The following NMT1 variants were observed in gnomAD, a reference collection of about 807,000 sequenced individuals.
The protein encoded by NMT1 is N-myristoyltransferase 1, also known as glycylpeptide N-tetradecanoyltransferase 1.
In NMT1, 12 loss-of-function variants were observed where a neutral mutation model predicts 63.4. That is an observed-to-expected ratio of 0.19 (90% confidence interval 0.12 to 0.31). NMT1 has a LOEUF of 0.31. NMT1 is among the 10% of genes least tolerant of loss of function. The pLI, the probability that NMT1 is intolerant of heterozygous loss-of-function variation, is 1.00. For missense variants in NMT1, 432 were observed against 634.6 expected (o/e 0.68, Z 3.43); for synonymous variants, 228 against 234.3 (o/e 0.97, Z 0.25).
At chr17:45,101,004 AC>A (rs2054159974) in intron 8 of NMT1, among the ~76,000 whole-genome samples, 1 of 147,600 alleles carries the variant, frequency 6.8e-6, no homozygotes, top group South Asian at 2.2e-4. Flanking sequence ...ACATGGTGAA[AC>A]CCCGTCTCTA....
At chr17:45,097,843 T>A (rs955280248) in intron 6 of NMT1, among the ~76,000 whole-genome samples, 1 of 152,156 alleles carries the variant, frequency 6.6e-6, no homozygotes, top group Non-Finnish European at 1.5e-5. Context: ...CCTGTACCAG[T>A]CACACATGGA....
At chr17:45,075,975 C>T (rs2053974878) in intron 1 of NMT1, among the ~76,000 whole-genome samples, 1 of 152,106 alleles carries the variant, frequency 6.6e-6, no homozygotes, top group Non-Finnish European at 1.5e-5. Context: ...GAGGCTGAGG[C>T]AGAAGAATCA....
At position 45,093,673 on chromosome 17, in the gene NMT1, C is replaced by G. The variant is rs139628436; in HGVS notation, c.386-12C>G. 9.2e-5 allele frequency: 148 copies of G among 1,611,538 alleles called. No homozygotes were observed. The African/African-American group carries it at 1.8e-3, about 20-fold the overall frequency. ...GCAAAGGGTGAGGCTCACAGCTGTG[C>G]TCTTCTTTCAGGCGAAGTGGTGAAC... On this transcript the variant is annotated splice_polypyrimidine_tract_variant and intron_variant, in intron 3 of 11. Transcript: ENST00000258960.
At chr17:45,071,746 G>A (rs903938963) in intron 1 of NMT1, among the ~76,000 whole-genome samples, 1 of 152,110 alleles carries the variant, frequency 6.6e-6, no homozygotes, top group Non-Finnish European at 1.5e-5. Flanking sequence ...TAGAGATGGG[G>A]TCTCACTTTG....
At chr17:45,061,759 G>A (rs1437814692) in intron 1 of NMT1, 1 of 317,046 alleles carries the variant, frequency 3.2e-6, no homozygotes, top group Non-Finnish European at 6.0e-6. Flanking sequence ...GTTTTCGATG[G>A]TACAACACAG....
intron 4 of NMT1, among the ~76,000 whole-genome samples, chr17:45,094,240 A>G (rs949657956): frequency 6.6e-6 from 1 of 151,854 alleles, no homozygotes; most frequent in African/African-American, 2.4e-5. Context: ...CACACCTGTA[A>G]TCCCACCGTT....
intron 8 of NMT1, 25 bp from the exon 9 acceptor site, chr17:45,102,926 T>G: frequency 6.3e-7 from 1 of 1,594,542 alleles, no homozygotes; most frequent in Non-Finnish European, 8.6e-7. Context: ...CTCATCTCAC[T>G]CCATCTCTTC....
At chr17:45,066,045 G>A (rs948325627) in intron 1 of NMT1, among the ~76,000 whole-genome samples, 4 of 151,824 alleles carry the variant, frequency 2.6e-5, no homozygotes, top group Admixed American at 1.3e-4. Context: ...TAAAGTCATA[G>A]TACTCTATGC....
chr17:45,104,004 T>G lies in NMT1; in HGVS notation c.1332+128T>G, dbSNP rs774097328. The G allele has an allele frequency of 1.9e-6, 3 of 1,595,982 alleles. No homozygotes were observed. In the South Asian group the frequency reaches 3.3e-5, roughly 18 times the overall value. ...CTGAGCCCTCCTCATCTGTTCTGCT[T>G]AGGCAGGGTTCCCGCAGTTTTTAGG... On this transcript the variant is annotated intron_variant, in intron 10 of 11. Transcript: ENST00000258960. This position sits in a 1 kb window ranked among gnomAD's most constrained non-coding sequence, Gnocchi z 4.2.
At chr17:45,061,689 A>G (rs1341980277) in intron 1 of NMT1, 2 of 472,054 alleles carry the variant, frequency 4.2e-6, no homozygotes, top group Non-Finnish European at 3.8e-6. Context: ...TAAAAGTTCT[A>G]TGCAGTGTTC....
intron 1 of NMT1, among the ~76,000 whole-genome samples, chr17:45,081,135 C>G (rs986128029): frequency 2.6e-5 from 4 of 152,160 alleles, no homozygotes; most frequent in Admixed American, 2.6e-4. Context: ...TGCCTTTTTC[C>G]TCATCCCTCA....
intron 1 of NMT1, among the ~76,000 whole-genome samples, chr17:45,063,170 A>G (rs564688012): frequency 1.3e-3 from 186 of 139,036 alleles, no homozygotes; most frequent in African/African-American, 5.0e-3. Context: ...ACGCCACTGC[A>G]CTCCAGCCTG....
Position 45,107,846 on chromosome 17 carries a change from C to G in NMT1, c.*2207C>G, listed in dbSNP as rs1359930443. 6.6e-6 allele frequency: 1 copy of G among 152,372 alleles called. No homozygotes were observed. Among genetic ancestry groups the G allele is most frequent in the Non-Finnish European group, 1.5e-5 (1 of 68,148 alleles). The allele number at this position is 152,372 out of a possible 1,614,324, so 9.4% of individuals were successfully genotyped here. A position where few individuals can be genotyped will look rare whatever the true frequency, so the allele number is the denominator to read the frequency against. ...AGAAACAGATCTCCTGGCAAAGGCC[C>G]CAGCATCTCCCTCACTGAAACCAGG... is the stretch of plus-strand genomic sequence containing the variant. On this transcript the variant is annotated 3_prime_UTR_variant, in exon 12 of 12. Transcript: ENST00000258960.
chr17:45,073,145 G>A (rs772568048), intron 1 of NMT1, among the ~76,000 whole-genome samples: 3 of 151,960 alleles, frequency 2.0e-5, no homozygotes, highest in East Asian at 1.9e-4. Flanking sequence ...TAGTCTGGCC[G>A]GGCGCGGTGG....
At chr17:45,081,317 C>T (rs564541818) in intron 1 of NMT1, among the ~76,000 whole-genome samples, 1 of 152,346 alleles carries the variant, frequency 6.6e-6, no homozygotes, top group African/African-American at 2.4e-5. Flanking sequence ...GTATGAATGC[C>T]TTGTTAACAA....
intron 3 of NMT1, among the ~76,000 whole-genome samples, chr17:45,092,545 AAAAC>A (rs1432092651): frequency 6.6e-6 from 1 of 151,532 alleles, no homozygotes; most frequent in Non-Finnish European, 1.5e-5. Flanking sequence ...TGAAAAAAAA[AAAAC>A]AAAACACCAA....
At position 45,106,684 on chromosome 17, in the gene NMT1, A is replaced by C. The variant is rs1041667828; in HGVS notation, c.*1045A>C. On this transcript the variant is annotated 3_prime_UTR_variant, in exon 12 of 12. Coordinates refer to ENST00000258960, the MANE Select transcript of NMT1 (RefSeq NM_021079.5). ...GGCCAATACCCAGACCCCTTCAGCC[A>C]CCAGCCCCTGGCCTGTGCCTTCCAA... is the stretch of plus-strand genomic sequence containing the variant. 6.5e-6 allele frequency: 1 copy of C among 152,698 alleles called. No individual in the cohort carries two copies. The highest frequency in any genetic ancestry group is 2.4e-5 in the African/African-American group (1 of 41,456). The allele number at this position is 152,698 out of a possible 1,614,324, so 9.5% of individuals were successfully genotyped here. A position where few individuals can be genotyped will look rare whatever the true frequency, so the allele number is the denominator to read the frequency against.
At chr17:45,078,743 G>C (rs2053992955) in intron 1 of NMT1, among the ~76,000 whole-genome samples, 1 of 151,894 alleles carries the variant, frequency 6.6e-6, no homozygotes, top group African/African-American at 2.4e-5. Flanking sequence ...CTCACTGCAG[G>C]CTCCTCCTCC....
intron 8 of NMT1, among the ~76,000 whole-genome samples, chr17:45,101,692 T>C (rs552926076): frequency 8.6e-5 from 13 of 150,712 alleles, no homozygotes; most frequent in African/African-American, 3.2e-4. Context: ...TTCCTATTGG[T>C]CATCAGTGCA....
Sources: gnomAD v4.1 joint callset for allele counts (sites outside exome capture counted in the v4.1 genomes callset) on GRCh38, gnomAD v4.1.1 for gene constraint, Gnocchi (gnomAD v3.1) non-coding constraint, MANE v1.5 for transcripts, NCBI Gene and HGNC (gene_info 2026-07-23, HGNC 2026-07-21) for gene names.